Variants in TAB2 observed in about 807,000 individuals in gnomAD.
TAB2 encodes TGF-beta-activated kinase 1 and MAP3K7-binding protein 2.
In TAB2, 3 loss-of-function variants were observed where a neutral mutation model predicts 65.0. The ratio of observed to expected loss-of-function variants is 0.05; its 90% CI spans 0.02 to 0.12. The LOEUF is 0.12. Among genes scored for constraint, TAB2 ranks in the 10% least tolerant of loss-of-function variants. The pLI, the probability that TAB2 is intolerant of heterozygous loss-of-function variation, is 1.00. For missense variants in TAB2, 623 were observed against 840.3 expected (o/e 0.74, Z 3.20); for synonymous variants, 298 against 285.1 (o/e 1.05, Z -0.46).
intron 6 of TAB2, among the ~76,000 whole-genome samples, chr6:149,408,054 C>T (rs1782726503): frequency 6.6e-6 from 1 of 152,072 alleles, no homozygotes. Flanking sequence ...ATGCCTGAGA[C>T]CAAAATTTTA....
chr6:149,265,108 A>AAG (rs397727908), intron 1 of TAB2, among the ~76,000 whole-genome samples: 1 of 151,424 alleles, frequency 6.6e-6, no homozygotes, highest in Non-Finnish European at 1.5e-5. Context: ...GAAAAAAAAA[A>AAG]GAGGGAAAGA....
chr6:149,332,652 T>C (rs911834361), intron 1 of TAB2, among the ~76,000 whole-genome samples: 5 of 152,186 alleles, frequency 3.3e-5, no homozygotes, highest in Non-Finnish European at 7.3e-5. Context: ...TTGACACTTA[T>C]TAAGTGCCCG....
chr6:149,263,198 A>G (rs1025331573), intron 1 of TAB2, among the ~76,000 whole-genome samples: 1 of 152,234 alleles, frequency 6.6e-6, no homozygotes, highest in Admixed American at 6.5e-5. Flanking sequence ...GGATTTAGGC[A>G]AAGCAAAAAT....
chr6:149,338,592 C>T (rs1177206669), intron 1 of TAB2, among the ~76,000 whole-genome samples: 3 of 152,152 alleles, frequency 2.0e-5, no homozygotes, highest in Non-Finnish European at 4.4e-5. Flanking sequence ...TAAGATGAAA[C>T]AACATATTTT....
chr6:149,301,400 C>CCTAT (rs1180344127), intron 1 of TAB2, among the ~76,000 whole-genome samples: 1 of 152,126 alleles, frequency 6.6e-6, no homozygotes, highest in African/African-American at 2.4e-5. Context: ...TATCATCTTA[C>CCTAT]CTATGTATTG....
chr6:149,313,847 A>T (rs749772451), upstream of TAB2, among the ~76,000 whole-genome samples: 2 of 152,164 alleles, frequency 1.3e-5, no homozygotes, highest in African/African-American at 2.4e-5. Flanking sequence ...TTCAGTCAGG[A>T]GGTGTGGGGA....
intron 1 of TAB2, among the ~76,000 whole-genome samples, chr6:149,300,762 G>A (rs1778956006): frequency 6.6e-6 from 1 of 152,228 alleles, no homozygotes; most frequent in South Asian, 2.1e-4. Flanking sequence ...GCAGGGAAGA[G>A]TTGGCAGAAG....
rs1366656068 is a variant in TAB2 at position 149,403,289 on chromosome 6, CACACACATAT to C, written c.1939+4107_1939+4116del. On this transcript the variant is annotated intron_variant, in intron 6 of 6. Transcript: ENST00000637181. ...ATATATATATATATATATATACACACACACACATATATATATATATATATACACACACATA... is the reference window on the plus strand; with the variant it reads ...ATATATATATATATATATATACACACATATATATATATATACACACACATA... 7.1e-4 allele frequency among the ~76,000 whole-genome samples: 23 copies of C among 32,510 alleles called. 1 individual carries two copies. The highest frequency in any genetic ancestry group is 3.0e-3 in the African/African-American group (23 of 7,588). The allele number at this position is 32,510 out of a possible 152,430, so 21.3% of individuals were successfully genotyped here.
chr6:149,251,983 C>CA (rs199498884), intron 1 of TAB2, among the ~76,000 whole-genome samples: 2 of 149,896 alleles, frequency 1.3e-5, no homozygotes, highest in East Asian at 2.0e-4. Flanking sequence ...TTTTTATAAA[C>CA]AAAAAAATAT....
chr6:149,251,128 G>A (rs573656399), intron 1 of TAB2, among the ~76,000 whole-genome samples: 10 of 152,234 alleles, frequency 6.6e-5, no homozygotes, highest in African/African-American at 1.2e-4. Flanking sequence ...TCCTTTTGCC[G>A]GGTGCCTCCT....
rs150937906 is a variant in TAB2 at position 149,237,474 on chromosome 6, A to G, written c.-121+18698A>G. On this transcript the variant is annotated intron_variant, in intron 1 of 1. Coordinates refer to the TAB2 transcript ENST00000606202. Reference sequence around the variant, plus strand: ...ATTGCACACAGGTGCACCATCTACTATGCACCCCCATGATGATACAATGGA... The same window carrying G: ...ATTGCACACAGGTGCACCATCTACTGTGCACCCCCATGATGATACAATGGA... Among the ~76,000 whole-genome samples the G allele has an allele frequency of 4.1e-3, 617 of 152,182 alleles. 1 individual carries two copies. Among genetic ancestry groups the G allele is most frequent in the Non-Finnish European group, 7.1e-3 (480 of 67,990 alleles).
At chr6:149,278,029 A>T (rs1477636605) in intron 1 of TAB2, among the ~76,000 whole-genome samples, 1 of 152,204 alleles carries the variant, frequency 6.6e-6, no homozygotes, top group African/African-American at 2.4e-5. Flanking sequence ...TCCCTAGCGA[A>T]GCTAATTTGT....
intron 1 of TAB2, among the ~76,000 whole-genome samples, chr6:149,357,430 A>AAAAAAACACACACACTCAC: frequency 9.0e-6 from 1 of 111,146 alleles, no homozygotes; most frequent in Non-Finnish European, 1.8e-5. Context: ...AGAAAAAAAA[A>AAAAAAACACACACACTCAC]ACACACACAC....
At chr6:149,264,914 G>A (rs748762208) in intron 1 of TAB2, among the ~76,000 whole-genome samples, 4 of 152,244 alleles carry the variant, frequency 2.6e-5, no homozygotes, top group Non-Finnish European at 4.4e-5. Flanking sequence ...GAAAGACACC[G>A]TGTGGCCACG....
chr6:149,329,213 C>T (rs1320526107), intron 1 of TAB2, among the ~76,000 whole-genome samples: 3 of 152,084 alleles, frequency 2.0e-5, no homozygotes, highest in Admixed American at 2.0e-4. Context: ...CACAAAATAC[C>T]TTAGAAAAGA....
chr6:149,393,323 C>T (rs1183153777), intron 3 of TAB2, among the ~76,000 whole-genome samples: 1 of 152,142 alleles, frequency 6.6e-6, no homozygotes, highest in Non-Finnish European at 1.5e-5. Context: ...CAATATTTTA[C>T]TTTAGAGCTT....
At chr6:149,256,473 A>T (rs1044689892) in intron 1 of TAB2, among the ~76,000 whole-genome samples, 7 of 152,210 alleles carry the variant, frequency 4.6e-5, no homozygotes, top group African/African-American at 1.7e-4. Flanking sequence ...ACTTAACACA[A>T]ATGTTCTCCC....
intron 1 of TAB2, among the ~76,000 whole-genome samples, chr6:149,283,366 T>A (rs939287789): frequency 1.3e-5 from 2 of 152,162 alleles, no homozygotes; most frequent in Non-Finnish European, 2.9e-5. Flanking sequence ...TACCTATAAC[T>A]AATAAATCAC....
chr6:149,285,504 G>C (rs1002870689), intron 1 of TAB2, among the ~76,000 whole-genome samples: 2 of 152,132 alleles, frequency 1.3e-5, no homozygotes, highest in African/African-American at 4.8e-5. Context: ...TGCCCCTACT[G>C]ACTGCAAAAT....
Sources: allele counts gnomAD v4.1 joint callset (sites outside exome capture counted in the v4.1 genomes callset), GRCh38; gene constraint gnomAD v4.1.1; transcripts MANE v1.5; gene names NCBI Gene and HGNC (gene_info 2026-07-23, HGNC 2026-07-21).